The following RABL2A variants were observed in gnomAD, a reference collection of about 807,000 sequenced individuals.
The protein encoded by RABL2A is rab-like protein 2A.
Under a neutral mutation model 30.7 loss-of-function variants are expected in RABL2A, and 17 were observed. The ratio of observed to expected loss-of-function variants is 0.55; its 90% CI spans 0.38 to 0.83. RABL2A has a LOEUF of 0.83. RABL2A is among the 40% of genes least tolerant of loss of function. The pLI, the probability that RABL2A is intolerant of heterozygous loss-of-function variation, is 0.00. For missense variants in RABL2A, 155 were observed against 272.6 expected (o/e 0.57, Z 3.04); for synonymous variants, 64 against 101.8 (o/e 0.63, Z 2.24).
intron 1 of RABL2A, chr2:113,628,268 C>A: frequency 3.4e-6 from 1 of 295,356 alleles, no homozygotes; most frequent in Non-Finnish European, 6.2e-6. Flanking sequence ...TAAAACAGAG[C>A]TAGACATAAT....
chr2:113,636,665 G>C (rs1191827796), intron 5 of RABL2A, among the ~76,000 whole-genome samples: 1 of 152,206 alleles, frequency 6.6e-6, no homozygotes, highest in African/African-American at 2.4e-5. Context: ...GGGATGGACA[G>C]GTTGCCACCA....
chr2:113,637,932 A>G lies in RABL2A; in HGVS notation c.297+2802A>G, dbSNP rs919493076. The G allele has an allele frequency of 3.0e-6, 3 of 985,288 alleles. No individual in the cohort carries two copies. The African/African-American group carries it at 5.2e-5, about 17-fold the overall frequency. 61.0% of individuals were successfully genotyped at this position (985,288 alleles called of 1,614,324 possible). A position where few individuals can be genotyped will look rare whatever the true frequency, so the allele number is the denominator to read the frequency against. On this transcript the variant is annotated intron_variant, in intron 5 of 8. Transcript: ENST00000683472. ...CCTGCCACCAGCCCCAGTCTGCTGC[A>G]CGGGCCCTGGCAAGTAGAAAGCACT...
chr2:113,641,504 G>A (rs772500329), intron 7 of RABL2A, 54 bp downstream of exon 7: 2 of 1,611,668 alleles, frequency 1.2e-6, no homozygotes, highest in African/African-American at 2.7e-5. Context: ...GTGGTAAAGG[G>A]AAGCTGTGAA....
chr2:113,634,457 C>G, intron 4 of RABL2A: 1 of 580,210 alleles, frequency 1.7e-6, no homozygotes. Context: ...CAGGCCAGCA[C>G]CTGTGCAGGA....
intron 5 of RABL2A, chr2:113,637,888 A>G (rs1683556457): frequency 7.9e-7 from 1 of 1,259,114 alleles, no homozygotes; most frequent in East Asian, 5.6e-5. Context: ...TCCTGCCACC[A>G]TGCCTGTGTC....
intron 5 of RABL2A, chr2:113,637,973 C>G (rs1367679366): frequency 2.0e-6 from 2 of 985,406 alleles, no homozygotes; most frequent in African/African-American, 1.7e-5. Context: ...TCTGACCACA[C>G]GGGGAGCTGA....
chr2:113,632,147 G>A (rs1049365864), intron 2 of RABL2A, among the ~76,000 whole-genome samples: 3 of 152,126 alleles, frequency 2.0e-5, no homozygotes, highest in African/African-American at 4.8e-5. Flanking sequence ...GGTAACATTG[G>A]GTCAAAGACT....
intron 1 of RABL2A, chr2:113,627,848 C>T (rs1175636479): frequency 6.0e-5 from 10 of 167,680 alleles, no homozygotes; most frequent in African/African-American, 2.4e-4. Context: ...CTGTCGCTCT[C>T]TCTACAGGGT....
At position 113,635,093 on chromosome 2, in the gene RABL2A, A is replaced by C; in HGVS notation, c.260A>C (p.His87Pro). The C allele has an allele frequency of 6.2e-7, 1 of 1,614,198 alleles. No individual in the cohort carries two copies. The change falls in exon 5 of 9, where the codon CAT becomes CCT. Residue 87 changes from histidine to proline, a missense_variant. Physicochemically the swap from His to Pro is moderately conservative, Grantham distance 77. This residue lies in a region of RABL2A where 82 missense variants were observed against 103.2 expected (regional missense o/e 0.79). Coordinates refer to ENST00000683472, the MANE Select transcript of RABL2A (RefSeq NM_001306158.2). ...TAGQERFQSM[H>P]ASYYHKAHAC... ...GGCCAGGAGCGGTTCCAGAGCATGC[A>C]TGCCTCCTACTACCACAAGGCCCAT...
chr2:113,639,490 T>C (rs1273246857), intron 5 of RABL2A, among the ~76,000 whole-genome samples: 20 of 142,596 alleles, frequency 1.4e-4, no homozygotes, highest in Admixed American at 2.8e-4. Context: ...GGCATGGTGG[T>C]GCGCACCTGT....
intron 1 of RABL2A, among the ~76,000 whole-genome samples, chr2:113,627,694 G>A (rs1412933935): frequency 6.6e-6 from 1 of 152,252 alleles, no homozygotes; most frequent in Admixed American, 6.5e-5. Flanking sequence ...GAGGAGGGAG[G>A]ATCGCTTGAG....
rs375997102 is a variant in RABL2A, at chr2:113,637,005, TA to T, written c.297+1882del. Among the ~76,000 whole-genome samples the T allele has an allele frequency of 1.6e-4, 18 of 109,762 alleles. No homozygotes were observed. The South Asian group carries it at 2.0e-3, about 12-fold the overall frequency. 72.0% of individuals were successfully genotyped at this position (109,762 alleles called of 152,430 possible). A position where few individuals can be genotyped will look rare whatever the true frequency, so the allele number is the denominator to read the frequency against. On this transcript the variant is annotated intron_variant, in intron 5 of 8. Coordinates refer to ENST00000683472, the MANE Select transcript of RABL2A (RefSeq NM_001306158.2). ...CTCTGTCTCAAAAAAAATAAAAAAA[TA>T]AAAAAATAAAGTCTGCCATGGCACC...
chr2:113,640,831 C>G (rs2104838282), intron 5 of RABL2A, 63 bp from the exon 6 acceptor site: 1 of 1,597,236 alleles, frequency 6.3e-7, no homozygotes, highest in Non-Finnish European at 8.5e-7. Context: ...TGTGAGTCAC[C>G]TGGAGATGGG....
At chr2:113,634,331 A>G (rs1681633439) in intron 4 of RABL2A, 99 bp downstream of exon 4, 1 of 1,502,184 alleles carries the variant, frequency 6.7e-7, no homozygotes, top group South Asian at 1.2e-5. Context: ...GTCCAGAGGG[A>G]GAAAATGAGA....
intron 4 of RABL2A, 96 bp from the exon 5 acceptor site, chr2:113,634,955 C>T: frequency 7.4e-7 from 1 of 1,357,300 alleles, no homozygotes; most frequent in Non-Finnish European, 1.0e-6. Flanking sequence ...TGTACACTCA[C>T]ACATGTGCTG....
At chr2:113,631,618 C>G (rs149124556) in intron 2 of RABL2A, among the ~76,000 whole-genome samples, 3 of 152,142 alleles carry the variant, frequency 2.0e-5, no homozygotes, top group East Asian at 1.9e-4. Context: ...TCAGGCCTGC[C>G]GAGCTGGTTC....
At chr2:113,634,679 C>T in intron 4 of RABL2A, 1 of 418,058 alleles carries the variant, frequency 2.4e-6, no homozygotes, top group African/African-American at 2.0e-5. Context: ...CACAGCCTGC[C>T]TGACTCTGTC....
chr2:113,640,028 G>A (rs1684547856), intron 5 of RABL2A: 1 of 151,858 alleles, frequency 6.6e-6, no homozygotes, highest in African/African-American at 2.4e-5. Flanking sequence ...ATTAATGCGT[G>A]CGTGCTACTT....
chr2:113,631,259 C>G (rs1414945809), intron 2 of RABL2A, among the ~76,000 whole-genome samples: 4 of 152,096 alleles, frequency 2.6e-5, no homozygotes, highest in Non-Finnish European at 4.4e-5. Context: ...TGTCTTTTTT[C>G]TTTGATAGCT....
Sources: gnomAD v4.1 joint callset for allele counts (sites outside exome capture counted in the v4.1 genomes callset) on GRCh38, gnomAD v4.1.1 for gene constraint, gnomAD v4.1.1 regional missense constraint, MANE v1.5 for transcripts, NCBI Gene and HGNC (gene_info 2026-07-23, HGNC 2026-07-21) for gene names.